The following IL2RB variants were observed in gnomAD, a reference collection of about 807,000 sequenced individuals.
The protein encoded by IL2RB is interleukin-2 receptor subunit beta.
A neutral mutation model predicts 44.2 loss-of-function variants in IL2RB; 17 were observed. The ratio of observed to expected loss-of-function variants is 0.38; its 90% CI spans 0.26 to 0.58. IL2RB has a LOEUF of 0.58. IL2RB is among the 20% of genes least tolerant of loss of function. The pLI is 0.63. For missense variants in IL2RB, 624 were observed against 685.5 expected (o/e 0.91, Z 1.00); for synonymous variants, 286 against 297.9 (o/e 0.96, Z 0.41).
rs1045845348 is a variant in IL2RB, at chr22:37,141,871, G to T, written c.282+563C>A. Among the ~76,000 whole-genome samples the T allele has an allele frequency of 2.6e-5, 4 of 152,200 alleles. No individual in the cohort carries two copies. The highest frequency in any genetic ancestry group is 9.7e-5 in the African/African-American group (4 of 41,448). On this transcript the variant is annotated intron_variant, in intron 4 of 9. Coordinates refer to ENST00000216223, the MANE Select transcript of IL2RB (RefSeq NM_000878.5). This position sits in a 1 kb window ranked among gnomAD's most constrained non-coding sequence, Gnocchi z 4.4. ...CAGAAGGAGGCGGGTCCCTGGTGAGGTCCCACCTTCAGGCTGGGGAGGGCC... is the reference window on the plus strand; with the variant it reads ...CAGAAGGAGGCGGGTCCCTGGTGAGTTCCCACCTTCAGGCTGGGGAGGGCC...
At chr22:37,169,474 CTGCATCCAG>C (rs995104911) in intron 1 of IL2RB, among the ~76,000 whole-genome samples, 2 of 152,192 alleles carry the variant, frequency 1.3e-5, no homozygotes, top group African/African-American at 2.4e-5. Flanking sequence ...ATCCTTCACT[CTGCATCCAG>C]AGCATCCTTG....
At chr22:37,164,014 C>G (rs1247468396) in intron 1 of IL2RB, among the ~76,000 whole-genome samples, 11 of 152,220 alleles carry the variant, frequency 7.2e-5, no homozygotes, top group Admixed American at 7.2e-4. Context: ...TTTGCTGTTC[C>G]CACACCATTT....
chr22:37,140,527 G>A (rs1921913268), intron 4 of IL2RB, among the ~76,000 whole-genome samples: 1 of 152,058 alleles, frequency 6.6e-6, no homozygotes, highest in Non-Finnish European at 1.5e-5. Context: ...AGGTCACACA[G>A]CTAAGAAATG....
chr22:37,168,807 A>C (rs370243616), intron 1 of IL2RB, among the ~76,000 whole-genome samples: 1 of 152,194 alleles, frequency 6.6e-6, no homozygotes, highest in African/African-American at 2.4e-5. Flanking sequence ...TTATCACCAG[A>C]GCCTAATATT....
chr22:37,130,900 C>A (rs148624791), intron 9 of IL2RB, among the ~76,000 whole-genome samples: 211 of 152,282 alleles, frequency 1.4e-3, no homozygotes, highest in African/African-American at 4.9e-3. Context: ...GGCACGGTGG[C>A]GCACGCCTGT....
At chr22:37,157,580 A>C (rs554558705) in intron 1 of IL2RB, among the ~76,000 whole-genome samples, 71 of 152,312 alleles carry the variant, frequency 4.7e-4, no homozygotes, top group Non-Finnish European at 9.0e-4. Context: ...CCAGAACATA[A>C]GATTTACAGT....
At chr22:37,140,523 C>T (rs1010907022) in intron 4 of IL2RB, among the ~76,000 whole-genome samples, 2 of 152,026 alleles carry the variant, frequency 1.3e-5, no homozygotes, top group Admixed American at 1.3e-4. Context: ...CCTGAGGTCA[C>T]ACAGCTAAGA....
At position 37,136,383 on chromosome 22, in the gene IL2RB, AGGG is replaced by A; in HGVS notation, c.545_547del (p.Pro182del). On this transcript the variant is annotated inframe_deletion, in exon 7 of 10. Coordinates refer to ENST00000216223, the MANE Select transcript of IL2RB (RefSeq NM_000878.5). ...TTCCTGCTTCTGCTTGAGAGTCAGC[AGGG>A]GGGCCTCCTGGGTCGGAGACAGGAC... 1 of 1,609,590 alleles carries A rather than the reference AGGG, an allele frequency of 6.2e-7. No homozygotes were observed. Among genetic ancestry groups the A allele is most frequent in the East Asian group, 2.2e-5 (1 of 44,656 alleles).
Position 37,144,182 on chromosome 22 carries a change from AG to A in IL2RB, c.-11del. The A allele has an allele frequency of 6.5e-7, 1 of 1,550,016 alleles. No individual in the cohort carries two copies. Among genetic ancestry groups the A allele is most frequent in the Non-Finnish European group, 8.7e-7 (1 of 1,146,146 alleles). The stretch of plus-strand genomic sequence containing the variant: ...GAGCAGGGGCCGCCATTACATCCAC[AG>A]GGTGGAGCCGAGGAAGGAAGCCCTG... On this transcript the variant is annotated 5_prime_UTR_variant, in exon 2 of 10. Coordinates refer to ENST00000216223, the MANE Select transcript of IL2RB (RefSeq NM_000878.5).
upstream of IL2RB, among the ~76,000 whole-genome samples, chr22:37,150,305 G>A (rs1340206164): frequency 6.6e-6 from 1 of 151,990 alleles, no homozygotes; most frequent in Admixed American, 6.5e-5. Context: ...ACACAAGCAG[G>A]TCCCTCTAGG....
chr22:37,163,328 T>C (rs1015268834), intron 1 of IL2RB, among the ~76,000 whole-genome samples: 5 of 152,144 alleles, frequency 3.3e-5, no homozygotes, highest in African/African-American at 9.7e-5. Flanking sequence ...AAGAGTCTCA[T>C]TGGCTAAGAT....
At chr22:37,130,942 A>G (rs1182341287) in intron 9 of IL2RB, among the ~76,000 whole-genome samples, 5 of 152,350 alleles carry the variant, frequency 3.3e-5, no homozygotes, top group African/African-American at 9.6e-5. Context: ...CGAGGCGGGC[A>G]GATCACCTGA....
Position 37,144,134 on chromosome 22 carries a change from G to A in IL2RB, c.39C>T (p.Leu13=). The change falls in exon 2 of 10, where the codon CTC becomes CTT. Residue 13 remains leucine (L), a synonymous_variant. Transcript: ENST00000216223. ...APALSWRLPL[L]ILLLPLATSW... is the part of the protein sequence containing the mutation. ...AGGTAGCCAGGGGCAGGAGGAGGAT[G>A]AGGAGGGGCAGACGCCAGGACAGAG... is the stretch of plus-strand genomic sequence containing the variant. The A allele has an allele frequency of 6.4e-7, 1 of 1,552,358 alleles. No homozygotes were observed. Among genetic ancestry groups the A allele is most frequent in the Non-Finnish European group, 8.7e-7 (1 of 1,147,266 alleles).
chr22:37,142,411 C>G, intron 4 of IL2RB, 23 bp downstream of exon 4: 1 of 1,610,668 alleles, frequency 6.2e-7, no homozygotes, highest in Non-Finnish European at 8.5e-7. Flanking sequence ...TCCCTGCACT[C>G]TCTCCCTGGG....
intron 5 of IL2RB, among the ~76,000 whole-genome samples, chr22:37,137,939 C>T (rs1006269184): frequency 1.3e-5 from 2 of 152,168 alleles, no homozygotes; most frequent in Non-Finnish European, 2.9e-5. Flanking sequence ...CACCACTCTG[C>T]ATCCCCCTTG....
chr22:37,146,493 C>T (rs967514396), intron 1 of IL2RB, among the ~76,000 whole-genome samples: 4 of 152,256 alleles, frequency 2.6e-5, no homozygotes, highest in Non-Finnish European at 5.9e-5. Flanking sequence ...AGGAAACCGA[C>T]ACTCACCCTC....
intron 1 of IL2RB, among the ~76,000 whole-genome samples, chr22:37,167,663 CT>C (rs1923130260): frequency 6.6e-6 from 1 of 152,232 alleles, no homozygotes; most frequent in Non-Finnish European, 1.5e-5. Flanking sequence ...CCCCGTGCAT[CT>C]AAAGTGGATG....
At chr22:37,135,252 GTGTGTGCA>G in intron 8 of IL2RB, 68 bp downstream of exon 8, 1 of 854,018 alleles carries the variant, frequency 1.2e-6, no homozygotes, top group Non-Finnish European at 2.0e-6. Context: ...TTGTGTGCGT[GTGTGTGCA>G]TGTGTGTGCA....
chr22:37,144,291 C>CA, intron 1 of IL2RB, 86 bp from the exon 2 acceptor site: 1 of 1,453,942 alleles, frequency 6.9e-7, no homozygotes, highest in Non-Finnish European at 9.1e-7. Context: ...CCCGCCCCCT[C>CA]AGTGTGCATG....
Sources: allele counts gnomAD v4.1 joint callset (sites outside exome capture counted in the v4.1 genomes callset), GRCh38; gene constraint gnomAD v4.1.1; non-coding constraint Gnocchi (gnomAD v3.1); transcripts MANE v1.5; gene names NCBI Gene and HGNC (gene_info 2026-07-23, HGNC 2026-07-21).